The following ATG10 variants were observed in gnomAD, a reference collection of about 807,000 sequenced individuals.
ATG10 encodes the protein ubiquitin-like-conjugating enzyme ATG10.
Under a neutral mutation model 32.1 loss-of-function variants are expected in ATG10, and 30 were observed. The ratio of observed to expected loss-of-function variants is 0.94; its 90% CI spans 0.70 to 1.27. The LOEUF (loss-of-function observed/expected upper bound fraction) is 1.27, where lower values mean the gene tolerates loss of function less well. Among genes scored for constraint, ATG10 ranks in the 50% most tolerant of loss-of-function variants. The pLI, the probability that ATG10 is intolerant of heterozygous loss-of-function variation, is 0.00. For missense variants in ATG10, 233 were observed against 262.3 expected, an observed-to-expected ratio of 0.89 and a Z score of 0.77; for synonymous variants, 87 against 91.5, an observed-to-expected ratio of 0.95 and a Z score of 0.28.
intron 2 of ATG10, among the ~76,000 whole-genome samples, chr5:82,017,834 T>C (rs923831900): frequency 6.6e-6 from 1 of 152,192 alleles, no homozygotes; most frequent in African/African-American, 2.4e-5. Flanking sequence ...TTTCTTCAAT[T>C]GGTGTCCTTA....
At position 82,086,098 on chromosome 5, in the gene ATG10, A is replaced by G. The variant is rs536238924; in HGVS notation, c.216+27496A>G. On this transcript the variant is annotated intron_variant, in intron 3 of 7. Coordinates refer to ENST00000282185, the MANE Select transcript of ATG10 (RefSeq NM_031482.5). ...AGATTCAGTAAAAGGTGTTTGATTG[A>G]CTTTTTCACCAAATTACCATTTCCC... is the stretch of plus-strand genomic sequence containing the variant. Among the ~76,000 whole-genome samples the G allele has an allele frequency of 3.9e-5, 6 of 152,264 alleles. No homozygotes were observed. In the East Asian group the frequency reaches 1.2e-3, roughly 29 times the overall value.
rs200675448 is a variant in ATG10 at position 82,119,991 on chromosome 5, T to TGA, written c.217-44407_217-44406insAG. The stretch of plus-strand genomic sequence containing the variant: ...GTAGGAGTCCACCATTTATTGTGTG[T>TGA]GTGTGTGTGTGTGTGTGTGTGTGTG... On this transcript the variant is annotated intron_variant, in intron 3 of 7. Coordinates refer to ENST00000282185, the MANE Select transcript of ATG10 (RefSeq NM_031482.5). Among the ~76,000 whole-genome samples the TGA allele has an allele frequency of 5.9e-3, 718 of 120,724 alleles. 4 individuals carry two copies. The highest frequency in any genetic ancestry group is 0.023 in the African/African-American group (566 of 24,728). The allele number at this position is 120,724 out of a possible 152,430, so 79.2% of individuals were successfully genotyped here. A position where few individuals can be genotyped will look rare whatever the true frequency, so the allele number is the denominator to read the frequency against.
At chr5:82,245,194 A>T (rs957575459) in intron 5 of ATG10, among the ~76,000 whole-genome samples, 1 of 152,210 alleles carries the variant, frequency 6.6e-6, no homozygotes, top group Non-Finnish European at 1.5e-5. Flanking sequence ...TAGATTTTTT[A>T]AAAAACTCTA....
chr5:82,138,988 G>A (rs948787207), intron 3 of ATG10, among the ~76,000 whole-genome samples: 6 of 150,618 alleles, frequency 4.0e-5, no homozygotes, highest in African/African-American at 7.3e-5. Context: ...AAATGCCTGC[G>A]ATCGCAGGCA....
At chr5:82,079,020 T>C (rs1260724262) in intron 3 of ATG10, among the ~76,000 whole-genome samples, 1 of 152,194 alleles carries the variant, frequency 6.6e-6, no homozygotes, top group Non-Finnish European at 1.5e-5. Context: ...TTTTGCTTCT[T>C]GTTTAGCCCT....
At chr5:82,080,265 C>T (rs981267750) in intron 3 of ATG10, among the ~76,000 whole-genome samples, 8 of 152,068 alleles carry the variant, frequency 5.3e-5, no homozygotes, top group Non-Finnish European at 8.8e-5. Context: ...GATATTAGCC[C>T]TTTGTCAGAT....
intron 1 of ATG10, among the ~76,000 whole-genome samples, chr5:81,985,642 T>C (rs149131048): frequency 6.6e-6 from 1 of 152,218 alleles, no homozygotes; most frequent in Admixed American, 6.5e-5. Flanking sequence ...CTCTCCCCTG[T>C]CCCTCACCAA....
intron 3 of ATG10, among the ~76,000 whole-genome samples, chr5:82,059,957 T>A (rs1763716113): frequency 6.6e-6 from 1 of 152,046 alleles, no homozygotes; most frequent in African/African-American, 2.4e-5. Context: ...AAAAAAAGTT[T>A]TAAAAATTAA....
At chr5:82,014,407 C>A (rs1314881575) in intron 2 of ATG10, among the ~76,000 whole-genome samples, 1 of 152,150 alleles carries the variant, frequency 6.6e-6, no homozygotes, top group Non-Finnish European at 1.5e-5. Flanking sequence ...TCTCGTTGAT[C>A]TGTCTAATGT....
At chr5:82,082,733 C>T (rs1764527297) in intron 3 of ATG10, among the ~76,000 whole-genome samples, 1 of 151,628 alleles carries the variant, frequency 6.6e-6, no homozygotes, top group Admixed American at 6.6e-5. Context: ...GAAACCATAT[C>T]AGGAAATATG....
chr5:81,979,330 A>G (rs1449730070), intron 1 of ATG10, among the ~76,000 whole-genome samples: 1 of 152,204 alleles, frequency 6.6e-6, no homozygotes, highest in Admixed American at 6.5e-5. Context: ...GATCGAGACC[A>G]TCCTGGCTAA....
intron 3 of ATG10, among the ~76,000 whole-genome samples, chr5:82,151,892 T>C (rs1767612143): frequency 1.3e-5 from 2 of 152,186 alleles, no homozygotes; most frequent in Non-Finnish European, 2.9e-5. Context: ...CATGATTTAC[T>C]AAGTACACCC....
chr5:82,195,180 C>G (rs975770027), intron 5 of ATG10, among the ~76,000 whole-genome samples: 3 of 152,132 alleles, frequency 2.0e-5, no homozygotes, highest in Non-Finnish European at 4.4e-5. Context: ...TCTCTCTTGC[C>G]AACATTTGCT....
At chr5:81,973,961 G>C (rs1016664480) in intron 1 of ATG10, among the ~76,000 whole-genome samples, 5 of 152,198 alleles carry the variant, frequency 3.3e-5, no homozygotes, top group African/African-American at 1.2e-4. Context: ...AAGGTTAACT[G>C]AGATTTTGGT....
At chr5:81,984,317 C>T (rs1179930206) in intron 1 of ATG10, among the ~76,000 whole-genome samples, 3 of 152,368 alleles carry the variant, frequency 2.0e-5, no homozygotes, top group African/African-American at 7.2e-5. Flanking sequence ...ATCGCAGGCA[C>T]TCCGCAGGCT....
intron 3 of ATG10, among the ~76,000 whole-genome samples, chr5:82,136,768 G>A (rs1226014390): frequency 6.6e-6 from 1 of 152,246 alleles, no homozygotes; most frequent in East Asian, 1.9e-4. Context: ...GTTTTGCTAG[G>A]TTGGGGACGT....
chr5:82,109,418 A>G (rs1747256967), intron 3 of ATG10, among the ~76,000 whole-genome samples: 1 of 151,960 alleles, frequency 6.6e-6, no homozygotes, highest in African/African-American at 2.4e-5. Context: ...TGAGAAGTTA[A>G]AAGATCCCAG....
chr5:82,043,267 C>T (rs558676412), intron 2 of ATG10, among the ~76,000 whole-genome samples: 62 of 152,342 alleles, frequency 4.1e-4, no homozygotes, highest in African/African-American at 1.4e-3. Context: ...ACCATGGCCC[C>T]TTTTAGCCAC....
intron 1 of ATG10, among the ~76,000 whole-genome samples, chr5:81,983,295 C>T (rs1217515769): frequency 1.4e-5 from 2 of 144,810 alleles, no homozygotes; most frequent in Admixed American, 6.9e-5. Context: ...CTGACCCCCC[C>T]ACCTCCTTCC....
Sources: gnomAD v4.1 joint callset for allele counts (sites outside exome capture counted in the v4.1 genomes callset) on GRCh38, gnomAD v4.1.1 for gene constraint, MANE v1.5 for transcripts, NCBI Gene and HGNC (gene_info 2026-07-23, HGNC 2026-07-21) for gene names.